Variants in ZNF670 observed in about 807,000 individuals in gnomAD.
ZNF670 encodes the protein zinc finger protein 670.
In ZNF670, 7 loss-of-function variants were observed where a neutral mutation model predicts 10.9. The ratio of observed to expected loss-of-function variants is 0.64; its 90% CI spans 0.36 to 1.20. The LOEUF is 1.20. ZNF670 is among the 50% of genes most tolerant of loss of function. The pLI is 0.02. For missense variants in ZNF670, 446 were observed against 458.6 expected, an observed-to-expected ratio of 0.97 and a Z score of 0.25; for synonymous variants, 136 against 152.7, an observed-to-expected ratio of 0.89 and a Z score of 0.81.
intron 1 of ZNF670, among the ~76,000 whole-genome samples, chr1:247,041,308 G>A (rs1670302118): frequency 6.6e-6 from 1 of 152,148 alleles, no homozygotes; most frequent in Non-Finnish European, 1.5e-5. Context: ...GCAAAAAGCA[G>A]TGGGAAAAAA....
At chr1:247,068,772 A>G (rs1393198385) in intron 1 of ZNF670, among the ~76,000 whole-genome samples, 1 of 149,854 alleles carries the variant, frequency 6.7e-6, no homozygotes, top group African/African-American at 2.5e-5. Flanking sequence ...GTGTCCATCA[A>G]CAAATGAATG....
intron 1 of ZNF670, chr1:247,044,013 C>A: frequency 5.1e-6 from 1 of 197,358 alleles, no homozygotes; most frequent in East Asian, 1.7e-4. Flanking sequence ...GAGTGATTTA[C>A]AAAAAGATTT....
rs1033763736 is a variant in ZNF670 at position 247,036,952 on chromosome 1, T to C, written c.*497A>G. ...ATTAATTAGAGAACAATTAAACAAC[T>C]ACATGAAAATTAAAATTGCCTACTA... On this transcript the variant is annotated 3_prime_UTR_variant, in exon 4 of 4. Transcript: ENST00000366503. 3 of 153,286 alleles carry C rather than the reference T, an allele frequency of 2.0e-5. No homozygotes were observed. Among genetic ancestry groups the C allele is most frequent in the Non-Finnish European group, 4.3e-5 (3 of 69,480 alleles). 9.5% of individuals were successfully genotyped at this position (153,286 alleles called of 1,614,324 possible). A position where few individuals can be genotyped will look rare whatever the true frequency, so the allele number is the denominator to read the frequency against.
At chr1:247,077,919 C>T (rs1671289864) in intron 1 of ZNF670, among the ~76,000 whole-genome samples, 1 of 152,170 alleles carries the variant, frequency 6.6e-6, no homozygotes, top group South Asian at 2.1e-4. Flanking sequence ...GAATAAACAA[C>T]CAACCAAAAC....
intron 1 of ZNF670, among the ~76,000 whole-genome samples, chr1:247,068,027 A>C (rs1446075838): frequency 6.7e-6 from 1 of 149,302 alleles, no homozygotes; most frequent in East Asian, 2.0e-4. Context: ...TCTGATCAAA[A>C]GATGGGCAAG....
At chr1:247,059,978 A>G (rs1301339294) in intron 1 of ZNF670, among the ~76,000 whole-genome samples, 11 of 152,220 alleles carry the variant, frequency 7.2e-5, no homozygotes, top group Admixed American at 5.9e-4. Context: ...ATGATAGAAA[A>G]AAAGATCTGA....
intron 1 of ZNF670, among the ~76,000 whole-genome samples, chr1:247,066,445 C>G (rs1273074824): frequency 6.6e-6 from 1 of 152,184 alleles, no homozygotes; most frequent in Non-Finnish European, 1.5e-5. Context: ...AGACAGGATT[C>G]TTAGCTGCAC....
In ZNF670 at chr1:247,068,319, C is replaced by CAAAAAAAAAAAAAAA. The variant is rs74163724; in HGVS notation, c.3+10260_3+10274dup. Among the ~76,000 whole-genome samples, 33 of 55,258 alleles carry CAAAAAAAAAAAAAAA rather than the reference C, an allele frequency of 6.0e-4. 1 individual carries two copies. The highest frequency in any genetic ancestry group is 1.2e-3 in the African/African-American group (12 of 9,716). The allele number at this position is 55,258 out of a possible 152,430, so 36.3% of individuals were successfully genotyped here. ...AGGTGACAGAGTAAGATTCTGTCTC[C>CAAAAAAAAAAAAAAA]AAAAAAAAAAAAAAAAAAGATGGGC... On this transcript the variant is annotated intron_variant, in intron 1 of 3. Coordinates refer to ENST00000366503, the MANE Select transcript of ZNF670 (RefSeq NM_033213.5).
In ZNF670 at chr1:247,074,008, G is replaced by A. The variant is rs529164669; in HGVS notation, c.3+4586C>T. 1.1e-4 allele frequency among the ~76,000 whole-genome samples: 17 copies of A among 152,314 alleles called. No homozygotes were observed. In the East Asian group the frequency reaches 3.1e-3, roughly 28 times the overall value. On this transcript the variant is annotated intron_variant, in intron 1 of 3. Transcript: ENST00000366503. The stretch of plus-strand genomic sequence containing the variant: ...GGAACATAGCAGGGGAAGATGGGGT[G>A]AGTAGGTAATCCTGTTAAATATATG...
chr1:247,039,007 C>T (rs1026310337), intron 2 of ZNF670, 137 bp from the exon 3 acceptor site: 1 of 488,516 alleles, frequency 2.0e-6, no homozygotes, highest in Admixed American at 3.8e-5. Flanking sequence ...AATCAGGAAA[C>T]ATTCATAACC....
At position 247,037,023 on chromosome 1, in the gene ZNF670, A is replaced by T. The variant is rs1670171452; in HGVS notation, c.*426T>A. Reference sequence around the variant, plus strand: ...AGTCTAGGGATCCAACAAATTTTTAAATGAATAGACAAAAATTATGTTAAC... The same window carrying T: ...AGTCTAGGGATCCAACAAATTTTTATATGAATAGACAAAAATTATGTTAAC... On this transcript the variant is annotated 3_prime_UTR_variant, in exon 4 of 4. Transcript: ENST00000366503. 1 of 156,906 alleles carries T rather than the reference A, an allele frequency of 6.4e-6. No homozygotes were observed. The highest frequency in any genetic ancestry group is 2.0e-4 in the South Asian group (1 of 5,116). The allele number at this position is 156,906 out of a possible 1,614,324, so 9.7% of individuals were successfully genotyped here.
At chr1:247,044,678 T>C (rs557689837) in intron 1 of ZNF670, among the ~76,000 whole-genome samples, 35 of 152,262 alleles carry the variant, frequency 2.3e-4, no homozygotes, top group African/African-American at 8.2e-4. Context: ...CTGGAGGCCA[T>C]TATCATAAGC....
At chr1:247,062,487 T>C (rs1176307334) in intron 1 of ZNF670, among the ~76,000 whole-genome samples, 1 of 152,212 alleles carries the variant, frequency 6.6e-6, no homozygotes, top group Non-Finnish European at 1.5e-5. Context: ...TTACATTTAA[T>C]AAAGGAATGA....
chr1:247,045,509 T>G (rs1195007875), intron 1 of ZNF670, among the ~76,000 whole-genome samples: 1 of 152,162 alleles, frequency 6.6e-6, no homozygotes, highest in Non-Finnish European at 1.5e-5. Context: ...GGCTTGCCTG[T>G]TCCCCCTCTG....
intron 1 of ZNF670, among the ~76,000 whole-genome samples, chr1:247,047,307 A>G (rs1572559525): frequency 6.6e-6 from 1 of 152,142 alleles, no homozygotes; most frequent in African/African-American, 2.4e-5. Flanking sequence ...GGGCTACACC[A>G]CTGCAGCAAA....
intron 1 of ZNF670, among the ~76,000 whole-genome samples, chr1:247,049,983 C>T (rs550316927): frequency 4.5e-4 from 69 of 152,284 alleles, no homozygotes; most frequent in African/African-American, 1.6e-3. Context: ...TGCTGATGAA[C>T]AGAATGCATA....
chr1:247,061,374 G>A (rs1156582531), intron 1 of ZNF670, among the ~76,000 whole-genome samples: 1 of 151,778 alleles, frequency 6.6e-6, no homozygotes, highest in African/African-American at 2.4e-5. Flanking sequence ...GTAGAGATGG[G>A]GTTTCACCAT....
chr1:247,061,362 T>A (rs994724408), intron 1 of ZNF670, among the ~76,000 whole-genome samples: 2 of 152,056 alleles, frequency 1.3e-5, no homozygotes, highest in African/African-American at 4.8e-5. Context: ...TTTGTATTTT[T>A]AGTAGAGATG....
At chr1:247,065,352 C>G (rs1455339292) in intron 1 of ZNF670, among the ~76,000 whole-genome samples, 1 of 152,148 alleles carries the variant, frequency 6.6e-6, no homozygotes, top group Admixed American at 6.5e-5. Context: ...AAATGCAGCC[C>G]CAGAAGTGAT....
Sources: gnomAD v4.1 joint callset for allele counts (sites outside exome capture counted in the v4.1 genomes callset) on GRCh38, gnomAD v4.1.1 for gene constraint, MANE v1.5 for transcripts, NCBI Gene and HGNC (gene_info 2026-07-23, HGNC 2026-07-21) for gene names.